The following TM9SF3 variants were observed in gnomAD, a reference collection of about 807,000 sequenced individuals.
TM9SF3 encodes the protein SM-11044-binding protein.
A neutral mutation model predicts 78.6 loss-of-function variants in TM9SF3; 14 were observed. That is an observed-to-expected ratio of 0.18 (90% CI 0.12 to 0.28). The LOEUF (loss-of-function observed/expected upper bound fraction) is 0.28. Among genes scored for constraint, TM9SF3 ranks in the 10% least tolerant of loss-of-function variants. The pLI is 1.00. For synonymous variants in TM9SF3, 231 were observed against 241.7 expected (o/e 0.96, Z 0.41); for missense variants, 496 against 721.9 (o/e 0.69, Z 3.59).
intron 1 of TM9SF3, among the ~76,000 whole-genome samples, chr10:96,581,666 A>C (rs1848571251): frequency 6.6e-6 from 1 of 152,226 alleles, no homozygotes. Flanking sequence ...CTTATAGTAA[A>C]CAGCTTATAC....
At chr10:96,555,105 CAT>C (rs931929627) in intron 5 of TM9SF3, among the ~76,000 whole-genome samples, 43 of 151,536 alleles carry the variant, frequency 2.8e-4, no homozygotes, top group Admixed American at 2.3e-3. Context: ...AAAGCAGGTT[CAT>C]ATATCACTCC....
chr10:96,573,410 G>A (rs1255222140), intron 2 of TM9SF3, among the ~76,000 whole-genome samples: 1 of 152,140 alleles, frequency 6.6e-6, no homozygotes, highest in African/African-American at 2.4e-5. Context: ...ACAGTAGAGG[G>A]CGAAGATAAA....
chr10:96,570,741 T>C (rs922151859), intron 2 of TM9SF3, among the ~76,000 whole-genome samples: 2 of 143,806 alleles, frequency 1.4e-5, no homozygotes, highest in East Asian at 2.0e-4. Context: ...GAGACAACGG[T>C]GGGAAAAAAA....
chr10:96,534,637 T>C (rs900312152), intron 9 of TM9SF3, among the ~76,000 whole-genome samples: 4 of 152,196 alleles, frequency 2.6e-5, no homozygotes, highest in Non-Finnish European at 5.9e-5. Context: ...TTGAATTACA[T>C]GGTCTAGAAG....
In TM9SF3 at chr10:96,582,795, T is replaced by C. The variant is rs963269577; in HGVS notation, c.102+3939A>G. 2.0e-5 allele frequency among the ~76,000 whole-genome samples: 3 copies of C among 152,038 alleles called. No individual in the cohort carries two copies. The East Asian group carries it at 5.8e-4, about 29-fold the overall frequency. ...ACATAAAATATATACATATATACCA[T>C]AGGGTCAGGCGCAGTGGCTCACACC... On this transcript the variant is annotated intron_variant, in intron 1 of 14. Transcript: ENST00000371142.
intron 1 of TM9SF3, among the ~76,000 whole-genome samples, chr10:96,578,005 T>C (rs1286573828): frequency 1.3e-5 from 2 of 152,316 alleles, no homozygotes; most frequent in East Asian, 3.9e-4. Flanking sequence ...GCTTCATTTT[T>C]CTAATGGTAC....
At chr10:96,527,792 CTT>C (rs771710881) in intron 12 of TM9SF3, among the ~76,000 whole-genome samples, 3 of 152,020 alleles carry the variant, frequency 2.0e-5, no homozygotes, top group Non-Finnish European at 4.4e-5. Flanking sequence ...TCATAAAACT[CTT>C]TTCATATCAA....
Position 96,522,160 on chromosome 10 carries a change from G to T in TM9SF3, c.*103C>A. The T allele has an allele frequency of 1.1e-6, 1 of 934,152 alleles. No homozygotes were observed. Among genetic ancestry groups the T allele is most frequent in the Non-Finnish European group, 1.7e-6 (1 of 600,514 alleles). 57.9% of individuals were successfully genotyped at this position (934,152 alleles called of 1,614,324 possible). On this transcript the variant is annotated 3_prime_UTR_variant, in exon 15 of 15. Coordinates refer to ENST00000371142, the MANE Select transcript of TM9SF3 (RefSeq NM_020123.4). ...AAGAGAGACCCACAAAGTACCCAGT[G>T]TGTTAAAGCCCAAATCTCTTCTTGC... is the stretch of plus-strand genomic sequence containing the variant.
intron 8 of TM9SF3, among the ~76,000 whole-genome samples, chr10:96,546,919 C>A (rs1362024583): frequency 6.6e-6 from 1 of 152,194 alleles, no homozygotes; most frequent in Non-Finnish European, 1.5e-5. Context: ...ACACTTCATT[C>A]ATAAACTAAA....
intron 8 of TM9SF3, among the ~76,000 whole-genome samples, chr10:96,544,434 T>C (rs769133547): frequency 6.6e-6 from 1 of 152,222 alleles, no homozygotes; most frequent in Non-Finnish European, 1.5e-5. Context: ...ACATTTTGTC[T>C]TGACTCTGCC....
chr10:96,553,126 A>G (rs1848193880), intron 5 of TM9SF3, 67 bp from the exon 6 acceptor site: 1 of 1,473,136 alleles, frequency 6.8e-7, no homozygotes, highest in Non-Finnish European at 9.0e-7. Flanking sequence ...AGGTTCCATG[A>G]GGACAACCGG....
intron 2 of TM9SF3, among the ~76,000 whole-genome samples, chr10:96,565,983 T>C (rs745911265): frequency 1.3e-5 from 2 of 152,318 alleles, no homozygotes; most frequent in East Asian, 1.9e-4. Flanking sequence ...TGTTTATAAA[T>C]TGCCTTAAAG....
At chr10:96,545,254 C>T (rs553162855) in intron 8 of TM9SF3, among the ~76,000 whole-genome samples, 16 of 152,176 alleles carry the variant, frequency 1.1e-4, no homozygotes, top group Non-Finnish European at 2.2e-4. Context: ...ATTCCACAAT[C>T]ATAAGCAACA....
At position 96,519,238 on chromosome 10, in the gene TM9SF3, A is replaced by C. The variant is rs940939200; in HGVS notation, c.*3025T>G. The C allele has an allele frequency of 2.0e-5, 3 of 152,058 alleles. No homozygotes were observed. The highest frequency in any genetic ancestry group is 7.2e-5 in the African/African-American group (3 of 41,452). The allele number at this position is 152,058 out of a possible 1,614,324, so 9.4% of individuals were successfully genotyped here. On this transcript the variant is annotated 3_prime_UTR_variant, in exon 15 of 15. Coordinates refer to ENST00000371142, the MANE Select transcript of TM9SF3 (RefSeq NM_020123.4). ...ATGACTTGTGAATAAACCCTAAATA[A>C]AGTGGCTTTTGGAAGAACTGGATTT... is the stretch of plus-strand genomic sequence containing the variant.
intron 11 of TM9SF3, 63 bp from the exon 12 acceptor site, chr10:96,528,240 C>G: frequency 6.9e-7 from 1 of 1,458,396 alleles, no homozygotes. Flanking sequence ...CTCTGCTCTT[C>G]GTGAGTCTCA....
At chr10:96,566,176 T>C (rs1364963243) in intron 2 of TM9SF3, among the ~76,000 whole-genome samples, 1 of 152,194 alleles carries the variant, frequency 6.6e-6, no homozygotes, top group Non-Finnish European at 1.5e-5. Context: ...GAAGTTGTTT[T>C]GGTATATTAA....
chr10:96,573,871 T>C (rs1441030329), intron 2 of TM9SF3, among the ~76,000 whole-genome samples: 1 of 152,134 alleles, frequency 6.6e-6, no homozygotes, highest in Non-Finnish European at 1.5e-5. Context: ...TGGCTAGCCA[T>C]ATGCAGAAAA....
chr10:96,564,744 G>T (rs1008983492), intron 3 of TM9SF3, among the ~76,000 whole-genome samples: 5 of 152,184 alleles, frequency 3.3e-5, no homozygotes, highest in Non-Finnish European at 7.3e-5. Context: ...GCTGTGCTTT[G>T]CATTATAAAT....
In TM9SF3 at chr10:96,534,109, G is replaced by A. The variant is rs185983035; in HGVS notation, c.1186-919C>T. ...TGATTGAGAGAAATGAAGAGGTATG[G>A]GGTAGGAAATCCACAGTGATTGCAC... On this transcript the variant is annotated intron_variant, in intron 9 of 14. Transcript: ENST00000371142. Among the ~76,000 whole-genome samples, 381 of 152,246 alleles carry A rather than the reference G, an allele frequency of 2.5e-3. 1 individual carries two copies. Among genetic ancestry groups the A allele is most frequent in the Non-Finnish European group, 3.8e-3 (261 of 67,990 alleles).
Sources: allele counts gnomAD v4.1 joint callset (sites outside exome capture counted in the v4.1 genomes callset), GRCh38; gene constraint gnomAD v4.1.1; transcripts MANE v1.5; gene names NCBI Gene and HGNC (gene_info 2026-07-23, HGNC 2026-07-21).